Variants in ZC3H12B observed in about 807,000 individuals in gnomAD.
ZC3H12B encodes probable ribonuclease ZC3H12B.
ZC3H12B carries 7 observed loss-of-function variants against 43.9 expected under a neutral mutation model. The ratio of observed to expected loss-of-function variants is 0.16; its 90% CI spans 0.09 to 0.30. The LOEUF (loss-of-function observed/expected upper bound fraction) is 0.30, where lower values mean the gene tolerates loss of function less well. ZC3H12B is among the 10% of genes least tolerant of loss of function. The pLI, the probability that ZC3H12B is intolerant of heterozygous loss-of-function variation, is 1.00. For missense variants in ZC3H12B, 475 were observed against 670.2 expected (o/e 0.71, Z 3.22); for synonymous variants, 222 against 241.7 (o/e 0.92, Z 0.76).
the ZC3H12B span, among the ~76,000 whole-genome samples, chrX:65,232,118 G>A: frequency 1.8e-5 from 2 of 110,556 alleles, no homozygotes; most frequent in African/African-American, 3.3e-5. Context: ...GCAGGTGCCT[G>A]TAGTCCCAGC....
chrX:65,237,389 C>T, the ZC3H12B span, among the ~76,000 whole-genome samples: 1 of 111,344 alleles, frequency 9.0e-6, no homozygotes, highest in Non-Finnish European at 1.9e-5. Flanking sequence ...TGTAGAAATG[C>T]TAGCAATTTT....
At chrX:65,117,017 C>T in the ZC3H12B span, among the ~76,000 whole-genome samples, 1 of 111,829 alleles carries the variant, frequency 8.9e-6, no homozygotes, top group South Asian at 3.7e-4. Context: ...CCACAATAAA[C>T]ATACATGTGC....
chrX:65,388,860 A>T lies in ZC3H12B; in HGVS notation n.296-9733A>T, dbSNP rs757020309. Among the ~76,000 whole-genome samples, 8 of 112,274 alleles carry T rather than the reference A, an allele frequency of 7.1e-5. No individual in the cohort carries two copies. The South Asian group carries it at 2.2e-3, about 31-fold the overall frequency. On this transcript the variant is annotated intron_variant and non_coding_transcript_variant, in intron 2 of 5. Coordinates refer to the ZC3H12B transcript ENST00000617377. ...TCTGTTAGTTTTCCTTCTAACAGAC[A>T]GGACCCTCAGCTGCAGGTCTGTTGC... is the stretch of plus-strand genomic sequence containing the variant.
At chrX:65,189,389 T>C in the ZC3H12B span, among the ~76,000 whole-genome samples, 64 of 88,243 alleles carry the variant, frequency 7.3e-4, 1 homozygote, top group Non-Finnish European at 6.2e-4. Flanking sequence ...TCCACAATGG[T>C]TGAACTAGTT....
At chrX:65,377,216 G>A (rs1386703539) in intron 2 of ZC3H12B, among the ~76,000 whole-genome samples, 12 of 106,769 alleles carry the variant, frequency 1.1e-4, no homozygotes, top group East Asian at 5.8e-4. Context: ...TATACAGTCC[G>A]AGGAGACAAA....
the ZC3H12B span, among the ~76,000 whole-genome samples, chrX:65,070,877 C>T: frequency 1.1e-5 from 1 of 87,964 alleles, no homozygotes; most frequent in Non-Finnish European, 2.1e-5. Flanking sequence ...ATTGCATGGT[C>T]GATTTTAGAG....
chrX:65,066,828 A>G, the ZC3H12B span, among the ~76,000 whole-genome samples: 1 of 111,885 alleles, frequency 8.9e-6, no homozygotes, highest in Admixed American at 9.4e-5. Context: ...TCTTTCAGAG[A>G]TGACTTGCCC....
the ZC3H12B span, among the ~76,000 whole-genome samples, chrX:65,224,136 A>T: frequency 1.7e-4 from 19 of 112,711 alleles, no homozygotes; most frequent in Middle Eastern, 4.7e-3. Flanking sequence ...AAGGAATGAA[A>T]GAGTGGAATT....
At chrX:65,413,608 C>T (rs1298815145) in intron 3 of ZC3H12B, among the ~76,000 whole-genome samples, 1 of 112,247 alleles carries the variant, frequency 8.9e-6, no homozygotes, top group Non-Finnish European at 1.9e-5. Context: ...GGACTTATTT[C>T]TGTACTCCCA....
At chrX:65,179,700 C>T in the ZC3H12B span, among the ~76,000 whole-genome samples, 4 of 111,516 alleles carry the variant, frequency 3.6e-5, no homozygotes, top group East Asian at 1.1e-3. Context: ...TCAGAGAATA[C>T]TATAAAAAAC....
At chrX:65,119,907 CT>C in the ZC3H12B span, among the ~76,000 whole-genome samples, 1 of 111,887 alleles carries the variant, frequency 8.9e-6, no homozygotes, top group Non-Finnish European at 1.9e-5. Context: ...ATAGGGAACC[CT>C]TTCCCCATTT....
intron 3 of ZC3H12B, among the ~76,000 whole-genome samples, chrX:65,424,700 C>G (rs1336561885): frequency 1.8e-5 from 2 of 111,671 alleles, no homozygotes; most frequent in African/African-American, 6.5e-5. Context: ...GCCAGTTCTC[C>G]CAGAACAATT....
intron 2 of ZC3H12B, among the ~76,000 whole-genome samples, chrX:65,369,951 C>A (rs761463546): frequency 4.1e-4 from 46 of 111,126 alleles, no homozygotes; most frequent in African/African-American, 1.3e-3. Context: ...GGTACCTGGC[C>A]AGGCTTGGTG....
the ZC3H12B span, among the ~76,000 whole-genome samples, chrX:65,167,522 G>A: frequency 9.0e-6 from 1 of 111,651 alleles, no homozygotes; most frequent in Non-Finnish European, 1.9e-5. Flanking sequence ...TCTTGGGTAT[G>A]TGGGCTCTTC....
At chrX:65,294,376 C>T in the ZC3H12B span, among the ~76,000 whole-genome samples, 1 of 111,427 alleles carries the variant, frequency 9.0e-6, no homozygotes, top group East Asian at 2.8e-4. Flanking sequence ...GAAACAAATC[C>T]TTGAAATACA....
At chrX:65,307,445 G>T in the ZC3H12B span, among the ~76,000 whole-genome samples, 1 of 111,793 alleles carries the variant, frequency 8.9e-6, no homozygotes, top group Non-Finnish European at 1.9e-5. Context: ...AGATAAATGA[G>T]CAATGGAAAA....
At chrX:65,053,695 A>G in the ZC3H12B span, among the ~76,000 whole-genome samples, 5 of 111,369 alleles carry the variant, frequency 4.5e-5, no homozygotes, top group Non-Finnish European at 9.4e-5. Flanking sequence ...TGACTTCCAC[A>G]ATGGTTGAAC....
At chrX:65,075,793 A>T in the ZC3H12B span, among the ~76,000 whole-genome samples, 1 of 111,737 alleles carries the variant, frequency 8.9e-6, no homozygotes, top group Non-Finnish European at 1.9e-5. Flanking sequence ...CTTCCCCCTA[A>T]AAAGTCTTCA....
chrX:65,503,289 A>G, exon 5 of ZC3H12B: 1 of 869,870 alleles, frequency 1.1e-6, no homozygotes, highest in Non-Finnish European at 1.6e-6. Context: ...ATAGTAACTA[A>G]TAATTTGTGT....
Sources: gnomAD v4.1 joint callset for allele counts (sites outside exome capture counted in the v4.1 genomes callset) on GRCh38, gnomAD v4.1.1 for gene constraint, MANE v1.5 for transcripts, NCBI Gene and HGNC (gene_info 2026-07-23, HGNC 2026-07-21) for gene names.